USH2A: variants seen among roughly 807,000 people sequenced by gnomAD.
USH2A encodes the protein usherin.
USH2A carries 443 observed loss-of-function variants against 538.9 expected under a neutral mutation model. The ratio of observed to expected loss-of-function variants is 0.82; its 90% CI spans 0.76 to 0.89. The LOEUF is 0.89. Among genes scored for constraint, USH2A ranks in the 40% least tolerant of loss-of-function variants. The pLI is 0.00. For synonymous variants in USH2A, 2,413 were observed against 2,273.5 expected, an observed-to-expected ratio of 1.06 and a Z score of -1.75; for missense variants, 6,633 against 6,324.8, an observed-to-expected ratio of 1.05 and a Z score of -1.65.
chr1:216,111,080 G>A (rs1450049282), intron 21 of USH2A, among the ~76,000 whole-genome samples: 2 of 152,062 alleles, frequency 1.3e-5, no homozygotes, highest in Non-Finnish European at 2.9e-5. Flanking sequence ...ACAAAAATTA[G>A]TTGGGCTCGT....
At chr1:216,066,903 C>T (rs1204382637) in intron 30 of USH2A, among the ~76,000 whole-genome samples, 1 of 152,336 alleles carries the variant, frequency 6.6e-6, no homozygotes, top group Admixed American at 6.5e-5. Context: ...CAATGTCTGA[C>T]TTCAAAGTTC....
At chr1:215,638,037 C>G (rs1039787809) in intron 69 of USH2A, among the ~76,000 whole-genome samples, 96 of 152,168 alleles carry the variant, frequency 6.3e-4, no homozygotes, top group African/African-American at 2.2e-3. Flanking sequence ...ACCCGTTGAG[C>G]TAAATTACCC....
intron 4 of USH2A, among the ~76,000 whole-genome samples, chr1:216,330,196 C>A (rs937895202): frequency 1.3e-5 from 2 of 152,132 alleles, no homozygotes; most frequent in African/African-American, 4.8e-5. Flanking sequence ...ATGTGCCAGG[C>A]ACTTTCACGA....
intron 44 of USH2A, among the ~76,000 whole-genome samples, chr1:215,848,207 C>T (rs1400201839): frequency 6.6e-6 from 1 of 152,132 alleles, no homozygotes; most frequent in Non-Finnish European, 1.5e-5. Context: ...TGTCTCACAG[C>T]ATTATTTATT....
chr1:215,848,689 C>T (rs1180587271), intron 44 of USH2A, among the ~76,000 whole-genome samples: 5 of 152,158 alleles, frequency 3.3e-5, no homozygotes, highest in East Asian at 1.9e-4. Flanking sequence ...TAACAAGTAC[C>T]GGATTTCTGG....
At chr1:216,088,474 A>G (rs2032201718) in intron 23 of USH2A, among the ~76,000 whole-genome samples, 2 of 152,200 alleles carry the variant, frequency 1.3e-5, no homozygotes, top group South Asian at 4.1e-4. Context: ...TTCCTGAATA[A>G]TTTAATAAAA....
chr1:216,027,206 C>G (rs540357970), intron 32 of USH2A, among the ~76,000 whole-genome samples: 7 of 152,194 alleles, frequency 4.6e-5, no homozygotes, highest in African/African-American at 1.4e-4. Context: ...AGCCTTAATT[C>G]AATCGGACAG....
intron 30 of USH2A, among the ~76,000 whole-genome samples, chr1:216,052,375 A>G (rs75352639): frequency 0.041 from 6,202 of 151,910 alleles, 139 homozygotes; most frequent in South Asian, 0.066. Context: ...AAAAAAAAAA[A>G]AAAGAAAGAA....
intron 21 of USH2A, among the ~76,000 whole-genome samples, chr1:216,134,580 A>C (rs2033443200): frequency 6.6e-6 from 1 of 152,136 alleles, no homozygotes; most frequent in South Asian, 2.1e-4. Context: ...ATTTTGTCAA[A>C]TCAACTTAAA....
chr1:216,064,014 T>A (rs1438032823), intron 30 of USH2A, among the ~76,000 whole-genome samples: 1 of 152,200 alleles, frequency 6.6e-6, no homozygotes, highest in Non-Finnish European at 1.5e-5. Flanking sequence ...TGGTGTGGTA[T>A]ATAAATCAAG....
chr1:216,418,825 A>G, intron 2 of USH2A, 146 bp from the exon 3 acceptor site: 1 of 751,168 alleles, frequency 1.3e-6, no homozygotes, highest in Middle Eastern at 2.4e-4. Flanking sequence ...ATGTCATTAT[A>G]TTCAATGAAA....
chr1:215,639,286 C>G, intron 68 of USH2A, 48 bp from the exon 69 acceptor site: 1 of 1,568,182 alleles, frequency 6.4e-7, no homozygotes, highest in Non-Finnish European at 8.8e-7. Flanking sequence ...TCAACACCTA[C>G]AAATAGGGCA....
intron 30 of USH2A, among the ~76,000 whole-genome samples, chr1:216,055,635 AAACTT>A (rs1322051837): frequency 1.3e-5 from 2 of 152,234 alleles, no homozygotes; most frequent in African/African-American, 4.8e-5. Context: ...ATATGGATGA[AAACTT>A]AACTATCTAA....
chr1:215,756,071 A>T (rs1187884411), intron 58 of USH2A, among the ~76,000 whole-genome samples: 1 of 152,244 alleles, frequency 6.6e-6, no homozygotes, highest in Non-Finnish European at 1.5e-5. Flanking sequence ...TTCTTCAAAC[A>T]ATCACCATTG....
intron 11 of USH2A, among the ~76,000 whole-genome samples, chr1:216,269,148 T>G (rs1040297224): frequency 7.2e-5 from 11 of 152,116 alleles, no homozygotes; most frequent in African/African-American, 2.7e-4. Flanking sequence ...CAATAGGGTT[T>G]GGCTGTGTCC....
At chr1:216,352,614 A>C (rs2038308271) in intron 4 of USH2A, among the ~76,000 whole-genome samples, 1 of 152,152 alleles carries the variant, frequency 6.6e-6, no homozygotes, top group Admixed American at 6.5e-5. Flanking sequence ...GGCTAGTAGA[A>C]GAAATGGGGG....
At chr1:216,166,760 GA>G (rs2034176769) in intron 21 of USH2A, among the ~76,000 whole-genome samples, 2 of 152,036 alleles carry the variant, frequency 1.3e-5, no homozygotes, top group Admixed American at 1.3e-4. Flanking sequence ...TTCAGGAGAG[GA>G]AAAAAATGAA....
At chr1:215,683,110 C>T (rs1306537377) in intron 61 of USH2A, among the ~76,000 whole-genome samples, 1 of 151,902 alleles carries the variant, frequency 6.6e-6, no homozygotes, top group East Asian at 1.9e-4. Flanking sequence ...TGGTCTCCAA[C>T]TCTAGAGCTC....
intron 61 of USH2A, among the ~76,000 whole-genome samples, chr1:215,722,280 G>T (rs750082258): frequency 2.6e-5 from 4 of 152,024 alleles, no homozygotes; most frequent in African/African-American, 9.7e-5. Flanking sequence ...GTCACCAAAG[G>T]AGTCCTTTTA....
Sources: gnomAD v4.1 joint callset for allele counts (sites outside exome capture counted in the v4.1 genomes callset) on GRCh38, gnomAD v4.1.1 for gene constraint, MANE v1.5 for transcripts, NCBI Gene and HGNC (gene_info 2026-07-23, HGNC 2026-07-21) for gene names.